The following ROR2 variants were observed in gnomAD, a reference collection of about 807,000 sequenced individuals.
ROR2 encodes ROR family WNT receptor 2, also known as tyrosine-protein kinase transmembrane receptor ROR2.
ROR2 carries 33 observed loss-of-function variants against 74.9 expected under a neutral mutation model. The ratio of observed to expected loss-of-function variants is 0.44; its 90% CI spans 0.33 to 0.59. The LOEUF is 0.59. Ranked by LOEUF, ROR2 falls within the 20% of genes least tolerant of loss-of-function variation. The pLI is 0.02. For synonymous variants in ROR2, 586 were observed against 558.7 expected, an observed-to-expected ratio of 1.05 and a Z score of -0.69; for missense variants, 1,216 against 1,313.8, an observed-to-expected ratio of 0.93 and a Z score of 1.15.
intron 1 of ROR2, among the ~76,000 whole-genome samples, chr9:91,823,818 A>T (rs1430934306): frequency 6.6e-6 from 1 of 152,244 alleles, no homozygotes; most frequent in Non-Finnish European, 1.5e-5. Flanking sequence ...ACATTTAGTT[A>T]GGCTGGGGCG....
At chr9:91,943,486 T>C (rs980474448) in intron 1 of ROR2, among the ~76,000 whole-genome samples, 1 of 152,132 alleles carries the variant, frequency 6.6e-6, no homozygotes, top group Non-Finnish European at 1.5e-5. Context: ...ATTCCATCCT[T>C]ATATCTCCCT....
At chr9:91,763,942 G>A (rs1200320194) in intron 2 of ROR2, among the ~76,000 whole-genome samples, 4 of 152,200 alleles carry the variant, frequency 2.6e-5, no homozygotes, top group African/African-American at 9.7e-5. Flanking sequence ...CATATGCGTA[G>A]TAAGAATGTG....
At chr9:91,891,086 T>C (rs1830407628) in intron 1 of ROR2, among the ~76,000 whole-genome samples, 1 of 152,206 alleles carries the variant, frequency 6.6e-6, no homozygotes, top group Non-Finnish European at 1.5e-5. Context: ...TTTGATATTT[T>C]AGTTTTCTAC....
chr9:91,947,351 G>A (rs950121842), intron 1 of ROR2, among the ~76,000 whole-genome samples: 8 of 152,178 alleles, frequency 5.3e-5, no homozygotes, highest in African/African-American at 1.9e-4. Flanking sequence ...TTTATGAAGT[G>A]GACATGAGAG....
chr9:91,745,186 C>T (rs1189682155), intron 4 of ROR2, among the ~76,000 whole-genome samples: 7 of 151,838 alleles, frequency 4.6e-5, no homozygotes, highest in South Asian at 4.2e-4. Flanking sequence ...AATGCAGTGG[C>T]GCGATCTCGG....
At position 91,724,043 on chromosome 9, in the gene ROR2, G is replaced by A. The variant is rs200396791; in HGVS notation, c.2451C>T (p.Leu817=). ...GCTGGTAGCCGTTGACGGGGACGTA[G>A]AGCTGCGGCGGGGGCACCATGGGTC... ...QIRPMVPPPQ[L]YVPVNGYQPV... Residue 817 remains leucine (L), a synonymous_variant, in exon 9 of 9, where the codon CTC becomes CTT. Coordinates refer to ENST00000375708, the MANE Select transcript of ROR2 (RefSeq NM_004560.4). 2.1e-4 allele frequency: 332 copies of A among 1,611,712 alleles called. 2 individuals are homozygous for A. In the East Asian group the frequency reaches 7.3e-3, roughly 35 times the overall value.
rs776996028 is a variant in ROR2 at position 91,724,409 on chromosome 9, C to A, written c.2085G>T (p.Gly695=). 2 of 1,614,164 alleles carry A rather than the reference C, an allele frequency of 1.2e-6. No homozygotes were observed. Among genetic ancestry groups the A allele is most frequent in the Non-Finnish European group, 1.7e-6 (2 of 1,180,032 alleles). ...VFSYGLQPYC[G]YSNQDVVEMI... ...TCTCCACCACATCCTGGTTGGAGTA[C>A]CCGCAGTAGGGCTGCAGGCCGTAGC... The change falls in exon 9 of 9, where the codon GGG becomes GGT. Residue 695 remains glycine, a synonymous_variant. Transcript: ENST00000375708.
At chr9:91,838,227 TA>T (rs1006881528) in intron 1 of ROR2, among the ~76,000 whole-genome samples, 2 of 151,836 alleles carry the variant, frequency 1.3e-5, no homozygotes, top group African/African-American at 4.9e-5. Context: ...ATGCTCAACT[TA>T]GCCTATTAGC....
At chr9:91,903,007 G>A (rs1443949599) in intron 1 of ROR2, among the ~76,000 whole-genome samples, 1 of 152,158 alleles carries the variant, frequency 6.6e-6, no homozygotes, top group Non-Finnish European at 1.5e-5. Context: ...CGGGGATGAT[G>A]AAATGAGTTC....
At chr9:91,906,869 G>A (rs1298817695) in intron 1 of ROR2, among the ~76,000 whole-genome samples, 1 of 152,078 alleles carries the variant, frequency 6.6e-6, no homozygotes, top group African/African-American at 2.4e-5. Context: ...AGGTTTTCAG[G>A]CTTTTATATT....
intron 1 of ROR2, among the ~76,000 whole-genome samples, chr9:91,851,606 C>T (rs1829094470): frequency 6.6e-6 from 1 of 152,286 alleles, no homozygotes; most frequent in East Asian, 1.9e-4. Flanking sequence ...TACTGGGGTG[C>T]TAGTTGGAAC....
intron 4 of ROR2, among the ~76,000 whole-genome samples, chr9:91,749,849 A>G (rs1352392524): frequency 6.6e-6 from 1 of 152,248 alleles, no homozygotes; most frequent in East Asian, 1.9e-4. Flanking sequence ...ATAACTATGT[A>G]AAGGCATATA....
chr9:91,859,419 G>C (rs957132465), intron 1 of ROR2, among the ~76,000 whole-genome samples: 1 of 152,070 alleles, frequency 6.6e-6, no homozygotes, highest in Non-Finnish European at 1.5e-5. Flanking sequence ...GGATGGTCTC[G>C]AAAGTATTTC....
At position 91,835,534 on chromosome 9, in the gene ROR2, C is replaced by T. The variant is rs543752457; in HGVS notation, c.98-59716G>A. On this transcript the variant is annotated intron_variant, in intron 1 of 8. Transcript: ENST00000375708. ...GTAGATTGGAACTCTCTCCACGGCC[C>T]TGCTGCCCCATCCCTGATCCCCATC... 9.6e-4 allele frequency among the ~76,000 whole-genome samples: 147 copies of T among 152,342 alleles called. 1 individual carries two copies. Among genetic ancestry groups the T allele is most frequent in the African/African-American group, 3.4e-3 (142 of 41,580 alleles).
chr9:91,936,462 A>G (rs1831692722), intron 1 of ROR2, among the ~76,000 whole-genome samples: 1 of 152,210 alleles, frequency 6.6e-6, no homozygotes. Flanking sequence ...TAAGGACACC[A>G]GTCACATTGG....
intron 1 of ROR2, among the ~76,000 whole-genome samples, chr9:91,880,892 T>C (rs1830088673): frequency 6.6e-6 from 1 of 152,250 alleles, no homozygotes; most frequent in Admixed American, 6.5e-5. Flanking sequence ...GGGACATTAC[T>C]GGGACTGCTG....
intron 1 of ROR2, among the ~76,000 whole-genome samples, chr9:91,840,323 C>A (rs1828744067): frequency 6.6e-6 from 1 of 152,194 alleles, no homozygotes; most frequent in Non-Finnish European, 1.5e-5. Context: ...AATGAGGAAA[C>A]CTGTAGTTCT....
At chr9:91,770,782 G>A (rs1454004873) in intron 2 of ROR2, among the ~76,000 whole-genome samples, 3 of 152,134 alleles carry the variant, frequency 2.0e-5, no homozygotes, top group Admixed American at 2.0e-4. Context: ...ATTTTCATTT[G>A]TACCCTTTTA....
At chr9:91,846,261 CGGT>C (rs534759892) in intron 1 of ROR2, among the ~76,000 whole-genome samples, 67 of 152,308 alleles carry the variant, frequency 4.4e-4, no homozygotes, top group Admixed American at 4.0e-3. Flanking sequence ...CTCAGTAAGA[CGGT>C]GTTTGGAGTC....
Sources: gnomAD v4.1 joint callset for allele counts (sites outside exome capture counted in the v4.1 genomes callset) on GRCh38, gnomAD v4.1.1 for gene constraint, MANE v1.5 for transcripts, NCBI Gene and HGNC (gene_info 2026-07-23, HGNC 2026-07-21) for gene names.